Variants in MCF2L observed in about 807,000 individuals in gnomAD.
The protein encoded by MCF2L is MCF.2 cell line derived transforming sequence like.
A neutral mutation model predicts 153.4 loss-of-function variants in MCF2L; 97 were observed. That is an observed-to-expected ratio of 0.63 (90% confidence interval 0.54 to 0.75). MCF2L has a LOEUF of 0.75. Among genes scored for constraint, MCF2L ranks in the 30% least tolerant of loss-of-function variants. MCF2L has a pLI of 0.00. For missense variants in MCF2L, 1,347 were observed against 1,495.2 expected, an observed-to-expected ratio of 0.90 and a Z score of 1.64; for synonymous variants, 659 against 632.2, an observed-to-expected ratio of 1.04 and a Z score of -0.64.
chr13:113,066,817 C>T (rs909588493), intron 8 of MCF2L, among the ~76,000 whole-genome samples: 3 of 152,152 alleles, frequency 2.0e-5, no homozygotes, highest in Non-Finnish European at 2.9e-5. Flanking sequence ...GAGCAGGGCC[C>T]GCACAGCTGG....
chr13:112,924,250 G>C (rs1175281675), intron 2 of MCF2L, among the ~76,000 whole-genome samples: 1 of 151,992 alleles, frequency 6.6e-6, no homozygotes, highest in Non-Finnish European at 1.5e-5. Flanking sequence ...TCGTTAGAGT[G>C]CCCCCACACG....
At chr13:112,961,761 G>A (rs940139587) in intron 2 of MCF2L, among the ~76,000 whole-genome samples, 7 of 152,208 alleles carry the variant, frequency 4.6e-5, no homozygotes, top group Admixed American at 1.3e-4. Context: ...AGGTCCTTCC[G>A]GAAGGTGCTT....
intron 26 of MCF2L, chr13:113,090,524 G>A (rs1433618954): frequency 1.0e-6 from 1 of 983,270 alleles, no homozygotes; most frequent in Non-Finnish European, 1.2e-6. Context: ...GCTCCGCCTG[G>A]TGGCAGAGGC....
At chr13:112,944,233 G>T (rs563916823) in intron 2 of MCF2L, among the ~76,000 whole-genome samples, 14 of 148,924 alleles carry the variant, frequency 9.4e-5, no homozygotes, top group Admixed American at 8.6e-4. Context: ...TGGGCTGTGA[G>T]GGGAGGGTCC....
intron 18 of MCF2L, chr13:113,084,638 C>T: frequency 1.8e-6 from 1 of 554,984 alleles, no homozygotes; most frequent in East Asian, 2.9e-5. Flanking sequence ...GTCTCCACTC[C>T]ACGCCTGTGC....
At chr13:112,925,389 A>G (rs1566641797) in intron 2 of MCF2L, among the ~76,000 whole-genome samples, 1 of 152,204 alleles carries the variant, frequency 6.6e-6, no homozygotes, top group South Asian at 2.1e-4. Flanking sequence ...GTGCACCCAA[A>G]AGGAAGGAGT....
At chr13:113,063,218 G>A (rs1285334921) in intron 5 of MCF2L, among the ~76,000 whole-genome samples, 1 of 152,200 alleles carries the variant, frequency 6.6e-6, no homozygotes, top group Non-Finnish European at 1.5e-5. Flanking sequence ...GTGGGCGGCT[G>A]GCCTGCGGGC....
At position 112,977,761 on chromosome 13, in the gene MCF2L, G is replaced by A. The variant is rs140368885; in HGVS notation, c.79+8303G>A. Among the ~76,000 whole-genome samples the A allele has an allele frequency of 4.1e-3, 623 of 152,266 alleles. 6 individuals carry two copies. Among genetic ancestry groups the A allele is most frequent in the African/African-American group, 0.014 (573 of 41,546 alleles). ...CCCGTGCGCACCGCTCACTGCTTCCGTGAATACAAAGCCTGTCTGCGTCTG... is the reference window on the plus strand; with the variant it reads ...CCCGTGCGCACCGCTCACTGCTTCCATGAATACAAAGCCTGTCTGCGTCTG... On this transcript the variant is annotated intron_variant, in intron 1 of 29. Coordinates refer to ENST00000535094, the MANE Select transcript of MCF2L (RefSeq NM_001112732.3).
intron 3 of MCF2L, among the ~76,000 whole-genome samples, chr13:113,032,763 T>C (rs1448616884): frequency 6.6e-6 from 1 of 152,014 alleles, no homozygotes; most frequent in Non-Finnish European, 1.5e-5. Context: ...AGAAATGGAG[T>C]CTCACCATGT....
intron 1 of MCF2L, chr13:112,985,470 G>A (rs754116727): frequency 2.5e-5 from 12 of 470,890 alleles, no homozygotes; most frequent in South Asian, 7.7e-5. Context: ...GCTGCTGTCC[G>A]TGGCTGAGGG....
chr13:113,091,537 G>T (rs1303209195), intron 26 of MCF2L, among the ~76,000 whole-genome samples: 1 of 151,796 alleles, frequency 6.6e-6, no homozygotes, highest in African/African-American at 2.4e-5. Context: ...CGGCTATAGG[G>T]CACCCTGTTC....
At position 113,088,359 on chromosome 13, in the gene MCF2L, G is replaced by A. The variant is rs373060141; in HGVS notation, c.2721G>A (p.Val907=). 2 of 1,614,052 alleles carry A rather than the reference G, an allele frequency of 1.2e-6. No individual in the cohort carries two copies. Among genetic ancestry groups the A allele is most frequent in the African/African-American group, 1.3e-5 (1 of 75,062 alleles). ...APTPEIKAAW[V]NEIRKVLTSQ... is the part of the protein sequence containing the mutation. Reference sequence around the variant, plus strand: ...CTCCTGAGATTAAAGCCGCGTGGGTGAATGAAATTCGGAAAGTGCTGACCA... The same window carrying A: ...CTCCTGAGATTAAAGCCGCGTGGGTAAATGAAATTCGGAAAGTGCTGACCA... The change falls in exon 24 of 30, where the codon GTG becomes GTA. Residue 907 remains valine (V), a synonymous_variant. Transcript: ENST00000535094.
rs924148864 is a variant in MCF2L, at chr13:113,081,401, G to A, written c.1875+122G>A. The A allele has an allele frequency of 6.7e-5, 64 of 950,786 alleles. 2 individuals carry two copies. The South Asian group carries it at 8.4e-4, about 13-fold the overall frequency. The allele number at this position is 950,786 out of a possible 1,614,324, so 58.9% of individuals were successfully genotyped here. A position where few individuals can be genotyped will look rare whatever the true frequency, so the allele number is the denominator to read the frequency against. On this transcript the variant is annotated intron_variant, in intron 16 of 29. Coordinates refer to ENST00000535094, the MANE Select transcript of MCF2L (RefSeq NM_001112732.3). ...GTCCACCAAATGCATGTGAGAGAGCGCCCACAGCAGCCTGGTCGGGCCCCA... is the reference window on the plus strand; with the variant it reads ...GTCCACCAAATGCATGTGAGAGAGCACCCACAGCAGCCTGGTCGGGCCCCA...
chr13:112,896,820 A>G (rs957512871), intron 1 of MCF2L, among the ~76,000 whole-genome samples: 8 of 152,304 alleles, frequency 5.3e-5, no homozygotes, highest in South Asian at 2.1e-4. Flanking sequence ...TGGCATCCCA[A>G]TGCAGGTTCC....
At chr13:112,964,818 T>TA (rs2081873642), upstream of MCF2L, 1 of 152,258 alleles carries the variant, frequency 6.6e-6, no homozygotes. Context: ...ATCAGAAGGA[T>TA]AAAGACCTCT....
chr13:113,077,857 A>G (rs1594951597), intron 13 of MCF2L, among the ~76,000 whole-genome samples: 1 of 152,322 alleles, frequency 6.6e-6, no homozygotes, highest in African/African-American at 2.4e-5. Flanking sequence ...AGCTTTGGCG[A>G]AAGTCAGCTG....
At chr13:112,970,777 G>A (rs1425684441) in intron 1 of MCF2L, among the ~76,000 whole-genome samples, 1 of 152,148 alleles carries the variant, frequency 6.6e-6, no homozygotes, top group African/African-American at 2.4e-5. Context: ...CAAGAGACAT[G>A]TGCGCATTTT....
chr13:113,033,576 T>G (rs895624500), intron 3 of MCF2L, among the ~76,000 whole-genome samples: 9 of 152,224 alleles, frequency 5.9e-5, no homozygotes, highest in Non-Finnish European at 1.3e-4. Context: ...CATGGTGTTC[T>G]GTCTGTGAGA....
At chr13:113,075,253 T>A in intron 11 of MCF2L, 64 bp downstream of exon 11, 1 of 1,443,510 alleles carries the variant, frequency 6.9e-7, no homozygotes, top group Non-Finnish European at 9.4e-7. Flanking sequence ...TCCTCCCACA[T>A]CCACCACCGG....
Sources: allele counts gnomAD v4.1 joint callset (sites outside exome capture counted in the v4.1 genomes callset), GRCh38; gene constraint gnomAD v4.1.1; transcripts MANE v1.5; gene names NCBI Gene and HGNC (gene_info 2026-07-23, HGNC 2026-07-21).